The following BLVRA variants were observed in gnomAD, a reference collection of about 807,000 sequenced individuals.
BLVRA encodes the protein BVR A.
BLVRA carries 22 observed loss-of-function variants against 32.8 expected under a neutral mutation model. That is an observed-to-expected ratio of 0.67 (90% CI 0.48 to 0.96). The LOEUF is 0.96. Among genes scored for constraint, BLVRA ranks in the 40% least tolerant of loss-of-function variants. The pLI, the probability that BLVRA is intolerant of heterozygous loss-of-function variation, is 0.00. For missense variants in BLVRA, 323 were observed against 358.1 expected, an observed-to-expected ratio of 0.90 and a Z score of 0.79; for synonymous variants, 119 against 141.3, an observed-to-expected ratio of 0.84 and a Z score of 1.12.
chr7:43,771,411 C>T lies in BLVRA; in HGVS notation c.12+241C>T, dbSNP rs572937504. Among the ~76,000 whole-genome samples, 21 of 152,338 alleles carry T rather than the reference C, an allele frequency of 1.4e-4. No individual in the cohort carries two copies. The South Asian group carries it at 3.7e-3, about 27-fold the overall frequency. On this transcript the variant is annotated intron_variant, in intron 2 of 7. Coordinates refer to ENST00000265523, the MANE Select transcript of BLVRA (RefSeq NM_000712.4). The stretch of plus-strand genomic sequence containing the variant: ...CCCACTGCAGCTAATCCTGAAACAA[C>T]ACTCCCTAGCTCTGGCTAGTAGTGG...
chr7:43,769,087 G>A (rs2095751554), intron 1 of BLVRA, among the ~76,000 whole-genome samples: 1 of 152,062 alleles, frequency 6.6e-6, no homozygotes, highest in Non-Finnish European at 1.5e-5. Context: ...GAGTGCAGTG[G>A]CGTGATCATA....
In BLVRA at chr7:43,792,764, C is replaced by G. The variant is rs984717968; in HGVS notation, c.304C>G (p.Leu102Val). Residue 102 changes from leucine to valine, a missense_variant, in exon 5 of 8, where the codon CTG becomes GTG. Coordinates refer to ENST00000265523, the MANE Select transcript of BLVRA (RefSeq NM_000712.4). The part of the protein sequence containing the change: ...KHVLVEYPMT[L>V]SLAAAQELWE... ...CGTCCTTGTGGAATACCCCATGACA[C>G]TGTCATTGGCGGCCGCTCAGGAACT... 5.9e-5 allele frequency: 95 copies of G among 1,614,098 alleles called. No homozygotes were observed. The highest frequency in any genetic ancestry group is 7.9e-5 in the Non-Finnish European group (93 of 1,180,032).
chr7:43,805,822 C>T (rs2095803490), intron 7 of BLVRA, among the ~76,000 whole-genome samples: 2 of 152,000 alleles, frequency 1.3e-5, no homozygotes, highest in African/African-American at 4.8e-5. Context: ...GTCTCAAATT[C>T]CTGGGCTCAA....
At chr7:43,772,615 T>C (rs901612429) in intron 2 of BLVRA, among the ~76,000 whole-genome samples, 1 of 152,094 alleles carries the variant, frequency 6.6e-6, no homozygotes, top group Non-Finnish European at 1.5e-5. Context: ...AGGAAAGAGG[T>C]TTAATTGACT....
chr7:43,778,305 G>A (rs985767126), intron 2 of BLVRA, among the ~76,000 whole-genome samples: 1 of 152,208 alleles, frequency 6.6e-6, no homozygotes, highest in Non-Finnish European at 1.5e-5. Flanking sequence ...TGATGGTGAT[G>A]TACAGATGGG....
chr7:43,803,962 G>T lies in BLVRA; in HGVS notation c.632+115G>T. 3 of 1,227,002 alleles carry T rather than the reference G, an allele frequency of 2.4e-6. No homozygotes were observed. In the South Asian group the frequency reaches 3.7e-5, roughly 15 times the overall value. 76.0% of individuals were successfully genotyped at this position (1,227,002 alleles called of 1,614,324 possible). Reference sequence around the variant, plus strand: ...GACCCTCACTCCCAGCTCCAGAAGGGCTGTCTGCTTCTGCAGATGGAGTGC... The same window carrying T: ...GACCCTCACTCCCAGCTCCAGAAGGTCTGTCTGCTTCTGCAGATGGAGTGC... On this transcript the variant is annotated intron_variant, in intron 7 of 7. Transcript: ENST00000265523.
At chr7:43,781,977 T>C (rs2132565485) in intron 2 of BLVRA, among the ~76,000 whole-genome samples, 1 of 152,270 alleles carries the variant, frequency 6.6e-6, no homozygotes, top group South Asian at 2.1e-4. Flanking sequence ...CACAAACAGT[T>C]TTCTCAAGAG....
chr7:43,767,207 T>C, intron 1 of BLVRA: 1 of 633,224 alleles, frequency 1.6e-6, no homozygotes, highest in Non-Finnish European at 2.8e-6. Context: ...GCCACTTTTA[T>C]AGGAAAACTT....
chr7:43,777,209 C>T (rs1455331825), intron 2 of BLVRA, among the ~76,000 whole-genome samples: 33 of 140,112 alleles, frequency 2.4e-4, no homozygotes, highest in South Asian at 6.9e-4. Flanking sequence ...TTATTTTGCT[C>T]GTTAGTTGAT....
At chr7:43,762,280 TC>T (rs2095743161) in intron 1 of BLVRA, among the ~76,000 whole-genome samples, 1 of 151,984 alleles carries the variant, frequency 6.6e-6, no homozygotes, top group Non-Finnish European at 1.5e-5. Context: ...TTTTGCAGCA[TC>T]CCTGGCCTTT....
chr7:43,806,585 TA>T (rs2095804249), intron 7 of BLVRA, among the ~76,000 whole-genome samples: 2 of 151,834 alleles, frequency 1.3e-5, no homozygotes, highest in Admixed American at 6.6e-5. Flanking sequence ...CTACTAAAAA[TA>T]TTTTTTTAAA....
intron 1 of BLVRA, among the ~76,000 whole-genome samples, chr7:43,763,903 C>T (rs1300328135): frequency 1.3e-5 from 2 of 151,914 alleles, no homozygotes; most frequent in Non-Finnish European, 2.9e-5. Flanking sequence ...GAACTTGGAG[C>T]GCCTTAAAAA....
intron 2 of BLVRA, among the ~76,000 whole-genome samples, chr7:43,774,217 G>T (rs1166173546): frequency 6.6e-6 from 1 of 152,150 alleles, no homozygotes; most frequent in Non-Finnish European, 1.5e-5. Flanking sequence ...CCTTGCCCAT[G>T]CCTATGTCCT....
chr7:43,770,849 C>T (rs1315775062), intron 1 of BLVRA, among the ~76,000 whole-genome samples: 1 of 152,172 alleles, frequency 6.6e-6, no homozygotes, highest in Non-Finnish European at 1.5e-5. Context: ...GGAGGCATCC[C>T]GATTGCAGCT....
chr7:43,792,773 G>A lies in BLVRA; in HGVS notation c.313G>A (p.Ala105Thr). ...LVEYPMTLSL[A>T]AAQELWELAE... is the part of the protein sequence containing the mutation. ...GGAATACCCCATGACACTGTCATTG[G>A]CGGCCGCTCAGGAACTGTGGGAGCT... is the stretch of plus-strand genomic sequence containing the variant. Residue 105 changes from alanine to threonine, a missense_variant, in exon 5 of 8, where the codon GCG (alanine) becomes ACG (threonine). Physicochemically the swap from Ala to Thr is moderately conservative, Grantham distance 58 (BLOSUM62 0). Transcript: ENST00000265523. 6.2e-7 allele frequency: 1 copy of A among 1,614,188 alleles called. No individual in the cohort carries two copies. The highest frequency in any genetic ancestry group is 8.5e-7 in the Non-Finnish European group (1 of 1,180,026).
intron 6 of BLVRA, among the ~76,000 whole-genome samples, chr7:43,802,682 G>A (rs2095799882): frequency 6.6e-6 from 1 of 152,090 alleles, no homozygotes; most frequent in African/African-American, 2.4e-5. Flanking sequence ...GTGTTTTTTT[G>A]TAGAGACAGA....
chr7:43,759,762 A>T (rs964284646), intron 1 of BLVRA, among the ~76,000 whole-genome samples: 5 of 152,244 alleles, frequency 3.3e-5, no homozygotes, highest in Non-Finnish European at 5.9e-5. Context: ...AATTATGGAA[A>T]TAAAGGTATT....
At chr7:43,800,167 G>T (rs748991640) in intron 5 of BLVRA, among the ~76,000 whole-genome samples, 1 of 152,086 alleles carries the variant, frequency 6.6e-6, no homozygotes, top group Non-Finnish European at 1.5e-5. Context: ...TGTTGGCCAG[G>T]CTGGTCTGGA....
At chr7:43,781,654 G>T (rs1222983954) in intron 2 of BLVRA, among the ~76,000 whole-genome samples, 2 of 152,094 alleles carry the variant, frequency 1.3e-5, no homozygotes, top group Non-Finnish European at 2.9e-5. Flanking sequence ...TACTTTTAAT[G>T]TACATAATTG....
Sources: gnomAD v4.1 joint callset for allele counts (sites outside exome capture counted in the v4.1 genomes callset) on GRCh38, gnomAD v4.1.1 for gene constraint, MANE v1.5 for transcripts, NCBI Gene and HGNC (gene_info 2026-07-23, HGNC 2026-07-21) for gene names.